Variants in HMCN1 observed in about 807,000 individuals in gnomAD.
HMCN1 encodes the protein hemicentin 1.
HMCN1 carries 321 observed loss-of-function variants against 625.9 expected under a neutral mutation model. The ratio of observed to expected loss-of-function variants is 0.51; its 90% confidence interval spans 0.47 to 0.56. The LOEUF is 0.56. HMCN1 is among the 20% of genes least tolerant of loss of function. The pLI, the probability that HMCN1 is intolerant of heterozygous loss-of-function variation, is 0.00. For synonymous variants in HMCN1, 2,425 were observed against 2,417.6 expected (o/e 1.00, Z -0.09); for missense variants, 6,588 against 6,887.3 (o/e 0.96, Z 1.54).
intron 62 of HMCN1, 124 bp from the exon 63 acceptor site, chr1:186,088,482 A>G: frequency 7.3e-7 from 1 of 1,367,446 alleles, no homozygotes; most frequent in African/African-American, 1.5e-5. Context: ...TTTTTAAAAA[A>G]GAAAATGGAG....
At chr1:186,125,823 T>C in intron 82 of HMCN1, 29 bp downstream of exon 82, 2 of 1,541,600 alleles carry the variant, frequency 1.3e-6, no homozygotes, top group Non-Finnish European at 1.8e-6. Context: ...AACAGATACA[T>C]TAAGCCAGAT....
At chr1:185,740,867 G>A (rs1018785607) in intron 1 of HMCN1, among the ~76,000 whole-genome samples, 3 of 152,056 alleles carry the variant, frequency 2.0e-5, no homozygotes, top group African/African-American at 7.2e-5. Context: ...GGTGGCACGT[G>A]CCTATAGTCT....
chr1:186,170,060 T>A (rs1454312745), intron 100 of HMCN1, among the ~76,000 whole-genome samples: 1 of 150,112 alleles, frequency 6.7e-6, no homozygotes, highest in African/African-American at 2.4e-5. Context: ...CCAACAAACA[T>A]GAAAAAAAGC....
At chr1:186,112,368 G>A (rs898924728) in intron 71 of HMCN1, among the ~76,000 whole-genome samples, 2 of 152,196 alleles carry the variant, frequency 1.3e-5, no homozygotes, top group Admixed American at 6.5e-5. Flanking sequence ...ACTCTATAAT[G>A]AGGCATCTGT....
chr1:186,147,669 A>C (rs1365559896), intron 93 of HMCN1, among the ~76,000 whole-genome samples: 2 of 152,208 alleles, frequency 1.3e-5, no homozygotes, highest in Non-Finnish European at 2.9e-5. Context: ...AGCAAGGCAC[A>C]TGAATGTTTT....
At position 186,040,995 on chromosome 1, in the gene HMCN1, C is replaced by T. The variant is rs759922273; in HGVS notation, c.6181-18C>T. 12 of 1,611,274 alleles carry T rather than the reference C, an allele frequency of 7.4e-6. No homozygotes were observed. The highest frequency in any genetic ancestry group is 6.7e-5 in the East Asian group (3 of 44,750). On this transcript the variant is annotated intron_variant, in intron 39 of 106. Transcript: ENST00000271588. ...TCTCAGAGACATATTGGTTATTTAG[C>T]GTTCTTACCATTGATAGGTTCTCTC...
intron 52 of HMCN1, among the ~76,000 whole-genome samples, chr1:186,073,599 G>T (rs1397550871): frequency 6.6e-6 from 1 of 152,116 alleles, no homozygotes; most frequent in African/African-American, 2.4e-5. Context: ...AGCAGAAACT[G>T]ATTTTAACCA....
chr1:185,976,893 C>T (rs1651252571), intron 15 of HMCN1, among the ~76,000 whole-genome samples: 1 of 152,098 alleles, frequency 6.6e-6, no homozygotes, highest in South Asian at 2.1e-4. Context: ...TCATCCATTG[C>T]CTCCAAAAGT....
At chr1:185,880,054 C>A (rs1302666550) in intron 4 of HMCN1, among the ~76,000 whole-genome samples, 4 of 152,122 alleles carry the variant, frequency 2.6e-5, no homozygotes, top group Non-Finnish European at 5.9e-5. Flanking sequence ...GCCCTGGGTT[C>A]AATCTCTAAG....
rs1166774964 is a variant in HMCN1 at position 185,982,154 on chromosome 1, A to G, written c.2663-108A>G. 10 of 1,109,448 alleles carry G rather than the reference A, an allele frequency of 9.0e-6. No homozygotes were observed. In the East Asian group the frequency reaches 2.1e-4, roughly 24 times the overall value. 68.7% of individuals were successfully genotyped at this position (1,109,448 alleles called of 1,614,324 possible). ...TTCATGTAAATATTTTGTTTCTGAA[A>G]ACTCAAACTTTTATAGCATAACTAA... is the stretch of plus-strand genomic sequence containing the variant. On this transcript the variant is annotated intron_variant, in intron 17 of 106. Coordinates refer to ENST00000271588, the MANE Select transcript of HMCN1 (RefSeq NM_031935.3).
chr1:186,062,601 G>A lies in HMCN1; in HGVS notation c.7513+1G>A. The stretch of plus-strand genomic sequence containing the variant: ...GTTACGCTGACTTGTGAAGTGACAG[G>A]TATGGGCTCAGCTCTCAGACTTTTG... On this transcript the variant is annotated splice_donor_variant, in intron 48 of 106. Transcript: ENST00000271588. LOFTEE classifies it high-confidence loss of function. The A allele has an allele frequency of 1.2e-6, 2 of 1,601,282 alleles. No homozygotes were observed. The highest frequency in any genetic ancestry group is 1.1e-5 in the South Asian group (1 of 90,842).
chr1:185,855,393 C>A (rs1447046131), intron 2 of HMCN1, among the ~76,000 whole-genome samples: 1 of 152,064 alleles, frequency 6.6e-6, no homozygotes, highest in Non-Finnish European at 1.5e-5. Flanking sequence ...TGTTAGTTTC[C>A]CATTTTTGCC....
chr1:185,967,177 A>T lies in HMCN1; in HGVS notation c.2212+1262A>T, dbSNP rs1008680837. On this transcript the variant is annotated intron_variant, in intron 14 of 106. Coordinates refer to ENST00000271588, the MANE Select transcript of HMCN1 (RefSeq NM_031935.3). ...ATGTCATTCAATAGTTTATCATGAA[A>T]ATAAAAATTCAAAAAAGTAATGGAA... Among the ~76,000 whole-genome samples, 3 of 152,286 alleles carry T rather than the reference A, an allele frequency of 2.0e-5. No individual in the cohort carries two copies. In the East Asian group the frequency reaches 5.8e-4, roughly 29 times the overall value.
intron 1 of HMCN1, among the ~76,000 whole-genome samples, chr1:185,799,185 G>T (rs901589297): frequency 2.0e-5 from 3 of 152,184 alleles, no homozygotes; most frequent in African/African-American, 7.2e-5. Flanking sequence ...AATGCTGGTT[G>T]TAGTTGGGAT....
intron 29 of HMCN1, among the ~76,000 whole-genome samples, chr1:186,005,584 TAAA>T (rs1653570010): frequency 1.3e-5 from 2 of 151,712 alleles, no homozygotes; most frequent in Non-Finnish European, 2.9e-5. Context: ...AAATGTAAAA[TAAA>T]AACAAAAATG....
intron 40 of HMCN1, among the ~76,000 whole-genome samples, chr1:186,042,891 C>T (rs944798132): frequency 1.4e-4 from 22 of 151,824 alleles, no homozygotes; most frequent in African/African-American, 4.8e-4. Context: ...TTGTGGGGTA[C>T]GCTGTTGGGG....
chr1:185,944,017 G>A (rs1668211035), intron 11 of HMCN1, among the ~76,000 whole-genome samples: 1 of 152,140 alleles, frequency 6.6e-6, no homozygotes, highest in South Asian at 2.1e-4. Context: ...ATCTCTGAAG[G>A]ATTACCGACT....
At chr1:185,940,908 C>T (rs1668047105) in intron 11 of HMCN1, among the ~76,000 whole-genome samples, 1 of 152,318 alleles carries the variant, frequency 6.6e-6, no homozygotes, top group South Asian at 2.1e-4. Context: ...GGATTACAGG[C>T]ATGTGCCACC....
At chr1:185,920,288 C>T (rs1488671900) in intron 6 of HMCN1, among the ~76,000 whole-genome samples, 7 of 151,886 alleles carry the variant, frequency 4.6e-5, no homozygotes, top group Admixed American at 6.6e-5. Flanking sequence ...CCTTTGTTTC[C>T]GTTACCCTGG....
Sources: allele counts gnomAD v4.1 joint callset (sites outside exome capture counted in the v4.1 genomes callset), GRCh38; gene constraint gnomAD v4.1.1; transcripts MANE v1.5; gene names NCBI Gene and HGNC (gene_info 2026-07-23, HGNC 2026-07-21).